The following MTUS2 variants were observed in gnomAD, a reference collection of about 807,000 sequenced individuals.
MTUS2 encodes microtubule associated scaffold protein 2, also known as microtubule-associated tumor suppressor candidate 2.
In MTUS2, 40 loss-of-function variants were observed where a neutral mutation model predicts 114.1. The observed-to-expected ratio is 0.35, with a 90% CI of 0.27 to 0.46. The LOEUF (loss-of-function observed/expected upper bound fraction) is 0.46. MTUS2 is among the 20% of genes least tolerant of loss of function. The probability of loss-of-function intolerance (pLI) is 1.00; values close to 1 mark genes in which losing one functional copy is unlikely to be tolerated. For missense variants in MTUS2, 1,679 were observed against 1,705.4 expected, an observed-to-expected ratio of 0.98 and a Z score of 0.27; for synonymous variants, 688 against 672.0, an observed-to-expected ratio of 1.02 and a Z score of -0.37.
chr13:29,403,728 C>T (rs1874532063), intron 8 of MTUS2, among the ~76,000 whole-genome samples: 1 of 152,188 alleles, frequency 6.6e-6, no homozygotes, highest in Non-Finnish European at 1.5e-5. Context: ...ATACCAGTTT[C>T]AGCCTGGAGC....
At chr13:29,324,136 A>G (rs1357783710) in intron 6 of MTUS2, among the ~76,000 whole-genome samples, 4 of 152,234 alleles carry the variant, frequency 2.6e-5, no homozygotes, top group Non-Finnish European at 5.9e-5. Context: ...GACCCGCTGC[A>G]TGGAAATTAA....
chr13:28,845,223 A>G (rs1247730998), intron 2 of MTUS2, among the ~76,000 whole-genome samples: 1 of 152,188 alleles, frequency 6.6e-6, no homozygotes, highest in Non-Finnish European at 1.5e-5. Context: ...GCACTGGGGT[A>G]ACAGGCGTGA....
chr13:29,083,134 A>T (rs1012339699), intron 4 of MTUS2, among the ~76,000 whole-genome samples: 10 of 152,100 alleles, frequency 6.6e-5, no homozygotes, highest in African/African-American at 2.4e-4. Context: ...GAGTCAGGGG[A>T]TGGAGTTCCC....
chr13:29,245,231 G>T (rs959959038), intron 5 of MTUS2, among the ~76,000 whole-genome samples: 13 of 152,042 alleles, frequency 8.6e-5, no homozygotes, highest in Admixed American at 7.2e-4. Flanking sequence ...ACCAGAAGGT[G>T]GTAGATAATT....
intron 2 of MTUS2, among the ~76,000 whole-genome samples, chr13:28,866,186 G>A (rs1310841814): frequency 6.6e-6 from 1 of 152,174 alleles, no homozygotes; most frequent in Non-Finnish European, 1.5e-5. Flanking sequence ...TGAGCACGGA[G>A]CTTGTGTCTG....
intron 7 of MTUS2, among the ~76,000 whole-genome samples, chr13:29,338,346 G>A (rs1182777737): frequency 6.6e-6 from 1 of 152,042 alleles, no homozygotes; most frequent in Admixed American, 6.5e-5. Flanking sequence ...CAGCACTTTG[G>A]GAGGCCCAGG....
intron 2 of MTUS2, among the ~76,000 whole-genome samples, chr13:28,880,234 T>C (rs1878209365): frequency 6.6e-6 from 1 of 152,208 alleles, no homozygotes; most frequent in Non-Finnish European, 1.5e-5. Flanking sequence ...GAAGTTGAAA[T>C]CTCATTTCCT....
intron 5 of MTUS2, among the ~76,000 whole-genome samples, chr13:29,270,781 A>G (rs1013504606): frequency 3.3e-5 from 5 of 152,156 alleles, no homozygotes; most frequent in African/African-American, 1.2e-4. Flanking sequence ...ATCTGGTGGC[A>G]TCTGATTGCT....
intron 5 of MTUS2, among the ~76,000 whole-genome samples, chr13:29,127,003 C>T (rs1028601814): frequency 6.6e-6 from 1 of 152,204 alleles, no homozygotes; most frequent in African/African-American, 2.4e-5. Flanking sequence ...CAGCCTCTGC[C>T]CCAGGTGCTG....
In MTUS2 at chr13:29,034,084, C is replaced by A. The variant is rs199923612; in HGVS notation, c.2405C>A (p.Pro802His). ...GCGAGCGCCATCCACCCACCAGGAC[C>A]CATAACAACAGCCACCAGTCTCTAC... ...SSASAIHPPG[P>H]ITTATSLYSS... The change falls in exon 4 of 16, where the codon CCC (proline) becomes CAC (histidine). Residue 802 changes from proline to histidine, a missense_variant. Transcript: ENST00000612955. 54 of 1,613,988 alleles carry A rather than the reference C, an allele frequency of 3.3e-5. No homozygotes were observed. Among genetic ancestry groups the A allele is most frequent in the Non-Finnish European group, 4.6e-5 (54 of 1,179,896 alleles).
chr13:28,935,974 T>C (rs1229150282), intron 2 of MTUS2, among the ~76,000 whole-genome samples: 1 of 152,146 alleles, frequency 6.6e-6, no homozygotes, highest in Admixed American at 6.6e-5. Context: ...CTTGAACTCC[T>C]GGCCTTAAGT....
At chr13:29,441,061 TCTC>T (rs1444764515) in intron 9 of MTUS2, among the ~76,000 whole-genome samples, 4 of 152,170 alleles carry the variant, frequency 2.6e-5, no homozygotes, top group Non-Finnish European at 5.9e-5. Context: ...AATGGTCTCT[TCTC>T]CTCTCTAAGG....
chr13:28,965,454 G>T (rs1883536187), intron 2 of MTUS2, among the ~76,000 whole-genome samples: 1 of 152,182 alleles, frequency 6.6e-6, no homozygotes, highest in Non-Finnish European at 1.5e-5. Flanking sequence ...TTATGAGAGA[G>T]AACTGCCTGG....
At chr13:29,316,324 A>AT (rs34664454) in intron 6 of MTUS2, among the ~76,000 whole-genome samples, 26,818 of 152,022 alleles carry the variant, frequency 0.18, 2,558 homozygotes, top group South Asian at 0.23. Flanking sequence ...GGGGATGGAG[A>AT]TTTTTTTACC....
intron 5 of MTUS2, among the ~76,000 whole-genome samples, chr13:29,200,261 G>A (rs571584440): frequency 5.3e-5 from 8 of 151,256 alleles, no homozygotes; most frequent in East Asian, 3.9e-4. Context: ...CTTGCTTCTC[G>A]AGGTCTTTTA....
At chr13:29,454,464 C>T (rs962871746) in intron 9 of MTUS2, among the ~76,000 whole-genome samples, 2 of 152,134 alleles carry the variant, frequency 1.3e-5, no homozygotes, top group African/African-American at 4.8e-5. Flanking sequence ...TTTACTGGAG[C>T]ACGATGTAGA....
intron 8 of MTUS2, among the ~76,000 whole-genome samples, chr13:29,423,525 A>G (rs1241843724): frequency 6.6e-6 from 1 of 152,258 alleles, no homozygotes; most frequent in East Asian, 1.9e-4. Flanking sequence ...CTGCAGGCCA[A>G]AAAGGGGATA....
At chr13:29,404,961 C>T (rs527939494) in intron 8 of MTUS2, among the ~76,000 whole-genome samples, 31 of 152,284 alleles carry the variant, frequency 2.0e-4, no homozygotes, top group Middle Eastern at 3.4e-3. Context: ...AGACGTGCAG[C>T]GATGACAAGT....
At chr13:28,965,626 A>G (rs186152461) in intron 2 of MTUS2, among the ~76,000 whole-genome samples, 179 of 152,246 alleles carry the variant, frequency 1.2e-3, no homozygotes, top group African/African-American at 3.7e-3. Context: ...GTGTGTGTGT[A>G]TATATATGAT....
Sources: gnomAD v4.1 joint callset for allele counts (sites outside exome capture counted in the v4.1 genomes callset) on GRCh38, gnomAD v4.1.1 for gene constraint, MANE v1.5 for transcripts, NCBI Gene and HGNC (gene_info 2026-07-23, HGNC 2026-07-21) for gene names.